FRZB: variants seen among roughly 807,000 people sequenced by gnomAD.
FRZB encodes the protein secreted frizzled-related protein 3.
In FRZB, 34 loss-of-function variants were observed where a neutral mutation model predicts 32.5. The observed-to-expected ratio is 1.05, with a 90% confidence interval of 0.80 to 1.39. FRZB has a LOEUF of 1.39. Ranked by LOEUF, FRZB falls within the 40% of genes most tolerant of loss-of-function variation. FRZB has a pLI of 0.00. For missense variants in FRZB, 423 were observed against 424.8 expected, an observed-to-expected ratio of 1.00 and a Z score of 0.04; for synonymous variants, 170 against 159.2, an observed-to-expected ratio of 1.07 and a Z score of -0.51.
intron 2 of FRZB, among the ~76,000 whole-genome samples, chr2:182,844,360 T>C (rs770046556): frequency 5.3e-5 from 8 of 152,218 alleles, no homozygotes; most frequent in Non-Finnish European, 1.0e-4. Flanking sequence ...AAAAGTTACC[T>C]AGCTTTTGGC....
chr2:182,851,458 C>T (rs183765561), intron 2 of FRZB, among the ~76,000 whole-genome samples: 2 of 152,120 alleles, frequency 1.3e-5, no homozygotes, highest in Admixed American at 1.3e-4. Context: ...GAGTTAGAGA[C>T]CAGCCTGGCC....
chr2:182,854,315 T>G (rs1465639561), intron 2 of FRZB, among the ~76,000 whole-genome samples: 1 of 152,224 alleles, frequency 6.6e-6, no homozygotes, highest in Non-Finnish European at 1.5e-5. Context: ...GATTCCATCT[T>G]GTTTCTCCCA....
At chr2:182,852,600 C>A (rs943090694) in intron 2 of FRZB, among the ~76,000 whole-genome samples, 1 of 151,918 alleles carries the variant, frequency 6.6e-6, no homozygotes, top group Non-Finnish European at 1.5e-5. Context: ...AATTGGTCAC[C>A]CTCACAAAGC....
At chr2:182,857,257 A>G (rs1223857013) in intron 2 of FRZB, among the ~76,000 whole-genome samples, 1 of 152,184 alleles carries the variant, frequency 6.6e-6, no homozygotes, top group Non-Finnish European at 1.5e-5. Context: ...GAAAAATGAA[A>G]CTATCAAAAT....
At chr2:182,837,854 T>G (rs1010779342) in intron 5 of FRZB, 94 bp downstream of exon 5, 2 of 895,576 alleles carry the variant, frequency 2.2e-6, no homozygotes, top group African/African-American at 1.7e-5. Flanking sequence ...CTCATATGGT[T>G]GAAGGCAGCT....
chr2:182,859,906 A>G (rs1252898899), intron 1 of FRZB, among the ~76,000 whole-genome samples: 1 of 152,234 alleles, frequency 6.6e-6, no homozygotes, highest in East Asian at 1.9e-4. Flanking sequence ...TAATACTTTC[A>G]TTATATTCAA....
intron 2 of FRZB, among the ~76,000 whole-genome samples, chr2:182,858,033 C>T (rs1036003483): frequency 1.3e-5 from 2 of 152,106 alleles, no homozygotes; most frequent in Admixed American, 1.3e-4. Flanking sequence ...TATAGAACAA[C>T]TGGAACTCTT....
intron 2 of FRZB, among the ~76,000 whole-genome samples, chr2:182,843,138 G>A (rs1328307694): frequency 6.6e-6 from 1 of 152,184 alleles, no homozygotes; most frequent in African/African-American, 2.4e-5. Context: ...TTTTGTGCTT[G>A]TTGGAGGAAA....
At chr2:182,835,688 C>G (rs1384917140) in intron 5 of FRZB, among the ~76,000 whole-genome samples, 1 of 151,964 alleles carries the variant, frequency 6.6e-6, no homozygotes, top group South Asian at 2.1e-4. Context: ...GCTGTACTTC[C>G]CAAACTTCAA....
intron 3 of FRZB, among the ~76,000 whole-genome samples, chr2:182,839,987 A>G (rs1026944986): frequency 6.6e-6 from 1 of 152,066 alleles, no homozygotes; most frequent in Admixed American, 6.6e-5. Flanking sequence ...TAATGTTCCA[A>G]TTTCGTCACA....
intron 3 of FRZB, among the ~76,000 whole-genome samples, chr2:182,840,688 C>A (rs1396298304): frequency 3.9e-5 from 6 of 152,066 alleles, no homozygotes; most frequent in Non-Finnish European, 7.4e-5. Context: ...AGACAAATGG[C>A]AATCCTGAAA....
chr2:182,841,129 A>G (rs193025176), intron 3 of FRZB, among the ~76,000 whole-genome samples: 83 of 152,204 alleles, frequency 5.5e-4, no homozygotes, highest in African/African-American at 1.9e-3. Flanking sequence ...GACTTCTTAC[A>G]TAAACATAAG....
chr2:182,836,925 A>G (rs1478015320), intron 5 of FRZB, among the ~76,000 whole-genome samples: 2 of 152,062 alleles, frequency 1.3e-5, no homozygotes, highest in Non-Finnish European at 2.9e-5. Flanking sequence ...ACATTTTTGT[A>G]GGTCACTTAA....
chr2:182,834,754 T>A lies in FRZB; in HGVS notation c.*95A>T. On this transcript the variant is annotated 3_prime_UTR_variant, in exon 6 of 6. Transcript: ENST00000295113. ...ATGATTTTTATAGTAAACAATAGAA[T>A]ATGATGTGCAATAGTGCAATTTTCC... 2.4e-6 allele frequency: 2 copies of A among 831,534 alleles called. No individual in the cohort carries two copies. Among genetic ancestry groups the A allele is most frequent in the Non-Finnish European group, 4.3e-6 (2 of 469,322 alleles). The allele number at this position is 831,534 out of a possible 1,614,324, so 51.5% of individuals were successfully genotyped here.
chr2:182,856,376 G>C (rs1695770292), intron 2 of FRZB, among the ~76,000 whole-genome samples: 1 of 151,808 alleles, frequency 6.6e-6, no homozygotes, highest in Non-Finnish European at 1.5e-5. Flanking sequence ...GTGTGTGAGA[G>C]AGAGAGAGAG....
At chr2:182,864,208 T>A (rs1695865670) in intron 1 of FRZB, among the ~76,000 whole-genome samples, 1 of 152,224 alleles carries the variant, frequency 6.6e-6, no homozygotes, top group African/African-American at 2.4e-5. Flanking sequence ...CTATCCATAT[T>A]GACTATGGCT....
intron 2 of FRZB, among the ~76,000 whole-genome samples, chr2:182,847,167 C>A (rs1295085135): frequency 6.6e-6 from 1 of 152,114 alleles, no homozygotes; most frequent in Non-Finnish European, 1.5e-5. Flanking sequence ...ACATGTGATA[C>A]ATGACATGAA....
At chr2:182,861,427 T>C (rs1695830298) in intron 1 of FRZB, among the ~76,000 whole-genome samples, 1 of 152,222 alleles carries the variant, frequency 6.6e-6, no homozygotes, top group Admixed American at 6.5e-5. Context: ...GTTGCTTTTA[T>C]TGTGTTGCTA....
At chr2:182,865,805 GTTT>G (rs1019695521) in intron 1 of FRZB, among the ~76,000 whole-genome samples, 1 of 152,246 alleles carries the variant, frequency 6.6e-6, no homozygotes, top group African/African-American at 2.4e-5. Context: ...AGTGTGATGG[GTTT>G]GGAATGCATG....
Sources: allele counts gnomAD v4.1 joint callset (sites outside exome capture counted in the v4.1 genomes callset), GRCh38; gene constraint gnomAD v4.1.1; transcripts MANE v1.5; gene names NCBI Gene and HGNC (gene_info 2026-07-23, HGNC 2026-07-21).